Variants in CLHC1 observed in about 807,000 individuals in gnomAD.
CLHC1 encodes clathrin heavy chain linker domain containing 1, also known as clathrin heavy chain linker domain-containing protein 1.
In CLHC1, 72 loss-of-function variants were observed where a neutral mutation model predicts 69.5. The ratio of observed to expected loss-of-function variants is 1.04; its 90% CI spans 0.86 to 1.26. The LOEUF (loss-of-function observed/expected upper bound fraction) is 1.26, where lower values mean the gene tolerates loss of function less well. CLHC1 is among the 50% of genes most tolerant of loss of function. The pLI is 0.00. For synonymous variants in CLHC1, 223 were observed against 224.3 expected (o/e 0.99, Z 0.05); for missense variants, 790 against 679.3 (o/e 1.16, Z -1.81).
rs752311431 is a variant in CLHC1, at chr2:55,222,395, A to T, written c.17T>A (p.Ile6Lys). The change falls in exon 3 of 13, where the codon ATA (isoleucine) becomes AAA (lysine). Residue 6 changes from isoleucine to lysine, a missense_variant. By Grantham distance (102) the Ile-to-Lys change is moderately radical. Transcript: ENST00000401408. ...AGGTGGGAGAACTGCATGTTTTCTT[A>T]TTTGATGAACTGACATATTTGACAA... MSVHQ[I>K]RKHAVLPPII... 1.4e-5 allele frequency: 22 copies of T among 1,613,280 alleles called. No individual in the cohort carries two copies. In the East Asian group the frequency reaches 4.2e-4, roughly 31 times the overall value.
At chr2:55,217,215 C>A (rs1428842739) in intron 4 of CLHC1, among the ~76,000 whole-genome samples, 1 of 150,630 alleles carries the variant, frequency 6.6e-6, no homozygotes, top group Non-Finnish European at 1.5e-5. Context: ...AAGACTATAA[C>A]TGCCCACTCT....
chr2:55,175,642 C>T lies in CLHC1; in HGVS notation c.*148G>A. The T allele has an allele frequency of 1.7e-6, 1 of 582,088 alleles. No individual in the cohort carries two copies. The highest frequency in any genetic ancestry group is 2.6e-5 in the South Asian group (1 of 38,886). The allele number at this position is 582,088 out of a possible 1,614,324, so 36.1% of individuals were successfully genotyped here. On this transcript the variant is annotated 3_prime_UTR_variant, in exon 13 of 13. Coordinates refer to ENST00000401408, the MANE Select transcript of CLHC1 (RefSeq NM_152385.4). ...TAGTATAAATATTTCAAAGACAAAT[C>T]TAAATGTCATCATAACAAAAGTGTG...
At chr2:55,190,542 G>A (rs1328645123) in intron 9 of CLHC1, among the ~76,000 whole-genome samples, 2 of 152,124 alleles carry the variant, frequency 1.3e-5, no homozygotes, top group African/African-American at 4.8e-5. Context: ...GTTAAGTAGA[G>A]ACATGAGCTA....
At chr2:55,225,491 G>A (rs1255925009) in intron 2 of CLHC1, 1 of 152,260 alleles carries the variant, frequency 6.6e-6, no homozygotes, top group Non-Finnish European at 1.5e-5. Flanking sequence ...GGACCCGGCA[G>A]TGGTTGGGGT....
rs527813820 is a variant in CLHC1, at chr2:55,186,317, TA to T, written c.1007-4574del. Among the ~76,000 whole-genome samples, 375 of 152,200 alleles carry T rather than the reference TA, an allele frequency of 2.5e-3. 1 individual carries two copies. Among genetic ancestry groups the T allele is most frequent in the African/African-American group, 8.7e-3 (362 of 41,510 alleles). On this transcript the variant is annotated intron_variant, in intron 9 of 12. Transcript: ENST00000401408. ...AATTAAGCTCACAATATTATCAATG[TA>T]AAAAGCTTACAATATTATAAATAAA...
intron 12 of CLHC1, 54 bp from the exon 13 acceptor site, chr2:55,176,040 T>C (rs186124629): frequency 5.0e-6 from 7 of 1,402,928 alleles, no homozygotes; most frequent in Non-Finnish European, 6.9e-6. Context: ...TAATCTATAC[T>C]TTAGTGATTC....
In CLHC1 at chr2:55,174,462, G is replaced by A. The variant is rs973048349; in HGVS notation, c.*1328C>T. ...GGATTTAGTAAGTACAAACTAAGTA[G>A]AGAAATGTGTGTTTCTGGGGCCGAT... On this transcript the variant is annotated 3_prime_UTR_variant, in exon 13 of 13. Transcript: ENST00000401408. 3.3e-5 allele frequency among the ~76,000 whole-genome samples: 5 copies of A among 152,196 alleles called. No individual in the cohort carries two copies. The highest frequency in any genetic ancestry group is 1.2e-4 in the African/African-American group (5 of 41,460).
chr2:55,213,536 CT>C (rs1163832537), intron 4 of CLHC1, among the ~76,000 whole-genome samples: 1 of 152,112 alleles, frequency 6.6e-6, no homozygotes, highest in African/African-American at 2.4e-5. Context: ...CTTTGAAAAA[CT>C]TTATTGAGCC....
chr2:55,178,700 ATAT>A (rs1421225575), intron 11 of CLHC1, among the ~76,000 whole-genome samples: 1 of 152,006 alleles, frequency 6.6e-6, no homozygotes, highest in African/African-American at 2.4e-5. Context: ...TAAAGTAAAA[ATAT>A]TATTTTGCGG....
chr2:55,174,125 C>A lies in CLHC1; in HGVS notation c.*1665G>T, dbSNP rs1232839127. 6.6e-6 allele frequency among the ~76,000 whole-genome samples: 1 copy of A among 152,094 alleles called. No individual in the cohort carries two copies. The highest frequency in any genetic ancestry group is 1.5e-5 in the Non-Finnish European group (1 of 68,024). On this transcript the variant is annotated 3_prime_UTR_variant, in exon 13 of 13. Transcript: ENST00000401408. ...ATCCTTTATCTGCTCTTTTCAACAG[C>A]CTGTATGAAGGCCAAAAATCAAAAT...
At chr2:55,227,291 AC>A (rs1290433379) in intron 2 of CLHC1, among the ~76,000 whole-genome samples, 1 of 152,112 alleles carries the variant, frequency 6.6e-6, no homozygotes, top group East Asian at 1.9e-4. Context: ...GCACCATTTC[AC>A]AGCTAGGAAT....
intron 9 of CLHC1, among the ~76,000 whole-genome samples, chr2:55,182,730 A>G (rs1320489840): frequency 6.6e-6 from 1 of 152,186 alleles, no homozygotes; most frequent in Non-Finnish European, 1.5e-5. Context: ...AGCAAATTCT[A>G]CTTTCACAAG....
chr2:55,226,969 A>C (rs1674769413), intron 2 of CLHC1, among the ~76,000 whole-genome samples: 1 of 152,222 alleles, frequency 6.6e-6, no homozygotes, highest in Non-Finnish European at 1.5e-5. Context: ...CATGATAAGT[A>C]AGTGTCTCAA....
At chr2:55,197,442 G>A (rs182037506) in intron 9 of CLHC1, among the ~76,000 whole-genome samples, 27 of 152,198 alleles carry the variant, frequency 1.8e-4, no homozygotes, top group Admixed American at 1.0e-3. Flanking sequence ...TCCCAGAGCT[G>A]GTGACCACAG....
intron 2 of CLHC1, among the ~76,000 whole-genome samples, chr2:55,227,777 C>T (rs1004251024): frequency 2.0e-5 from 3 of 151,978 alleles, no homozygotes; most frequent in Non-Finnish European, 1.5e-5. Context: ...TGGCTTCCTA[C>T]CGTATTACCC....
intron 1 of CLHC1, among the ~76,000 whole-genome samples, chr2:55,230,968 G>T (rs1675261227): frequency 6.6e-6 from 1 of 152,202 alleles, no homozygotes; most frequent in Admixed American, 6.5e-5. Flanking sequence ...TGTTCCAGGA[G>T]GCAGGGCGTG....
chr2:55,196,386 C>T (rs1253883272), intron 9 of CLHC1, among the ~76,000 whole-genome samples: 1 of 152,172 alleles, frequency 6.6e-6, no homozygotes. Flanking sequence ...TGCCACCACT[C>T]CCCCAACCCA....
chr2:55,230,130 G>A (rs749581257), intron 1 of CLHC1, among the ~76,000 whole-genome samples: 16 of 152,298 alleles, frequency 1.1e-4, no homozygotes, highest in South Asian at 4.1e-4. Flanking sequence ...ATTATAGGAC[G>A]CAAGGGTCAA....
At position 55,175,631 on chromosome 2, in the gene CLHC1, C is replaced by T. The variant is rs1343977391; in HGVS notation, c.*159G>A. The T allele has an allele frequency of 1.8e-6, 1 of 566,696 alleles. No homozygotes were observed. The highest frequency in any genetic ancestry group is 2.8e-5 in the East Asian group (1 of 35,714). The allele number at this position is 566,696 out of a possible 1,614,324, so 35.1% of individuals were successfully genotyped here. A position where few individuals can be genotyped will look rare whatever the true frequency, so the allele number is the denominator to read the frequency against. ...AAAGGAAGCAATAGTATAAATATTT[C>T]AAAGACAAATCTAAATGTCATCATA... On this transcript the variant is annotated 3_prime_UTR_variant, in exon 13 of 13. Transcript: ENST00000401408.
Sources: allele counts gnomAD v4.1 joint callset (sites outside exome capture counted in the v4.1 genomes callset), GRCh38; gene constraint gnomAD v4.1.1; transcripts MANE v1.5; gene names NCBI Gene and HGNC (gene_info 2026-07-23, HGNC 2026-07-21).